The following FNDC3B variants were observed in gnomAD, a reference collection of about 807,000 sequenced individuals.
FNDC3B encodes fibronectin type III domain-containing protein 3B.
In FNDC3B, 12 loss-of-function variants were observed where a neutral mutation model predicts 151.5. The observed-to-expected ratio is 0.08, with a 90% CI of 0.05 to 0.13. The LOEUF is 0.13. Ranked by LOEUF, FNDC3B falls within the 10% of genes least tolerant of loss-of-function variation. The pLI is 1.00. For missense variants in FNDC3B, 1,214 were observed against 1,505.3 expected, an observed-to-expected ratio of 0.81 and a Z score of 3.20; for synonymous variants, 528 against 549.0, an observed-to-expected ratio of 0.96 and a Z score of 0.54.
At chr3:172,161,881 A>T (rs1380597475) in intron 3 of FNDC3B, among the ~76,000 whole-genome samples, 1 of 152,094 alleles carries the variant, frequency 6.6e-6, no homozygotes, top group African/African-American at 2.4e-5. Flanking sequence ...GCCACCAGTA[A>T]TGTACCTTCT....
At chr3:172,052,739 C>G (rs1716727758) in intron 1 of FNDC3B, among the ~76,000 whole-genome samples, 1 of 152,096 alleles carries the variant, frequency 6.6e-6, no homozygotes, top group African/African-American at 2.4e-5. Flanking sequence ...ATTATATGAT[C>G]AGACAAGTTT....
At chr3:172,311,177 A>G (rs1731458194) in intron 11 of FNDC3B, among the ~76,000 whole-genome samples, 1 of 152,252 alleles carries the variant, frequency 6.6e-6, no homozygotes, top group Non-Finnish European at 1.5e-5. Flanking sequence ...AATAATTTGT[A>G]TTAAAAATTG....
intron 3 of FNDC3B, among the ~76,000 whole-genome samples, chr3:172,214,545 TTTTATGGAATATTTG>T (rs1725884673): frequency 6.7e-6 from 1 of 148,246 alleles, no homozygotes; most frequent in African/African-American, 2.5e-5. Context: ...TATGACTCTG[TTTTATGGAATATTTG>T]GTTCATTTTT....
rs149288214 is a variant in FNDC3B, at chr3:172,070,950, A to G, written c.-29+31179A>G. The stretch of plus-strand genomic sequence containing the variant: ...AACAAAAAGTTTTCAGGAAAAATAC[A>G]GGCATTTTTGCTGCAAAAATTGGTC... On this transcript the variant is annotated intron_variant, in intron 1 of 25. Transcript: ENST00000415807. Among the ~76,000 whole-genome samples the G allele has an allele frequency of 7.2e-3, 1,095 of 152,326 alleles. 12 individuals carry two copies. The highest frequency in any genetic ancestry group is 9.4e-3 in the Non-Finnish European group (638 of 68,024).
intron 23 of FNDC3B, among the ~76,000 whole-genome samples, chr3:172,367,049 T>A (rs1437311399): frequency 6.6e-6 from 1 of 152,214 alleles, no homozygotes; most frequent in African/African-American, 2.4e-5. Flanking sequence ...CAAATCAACC[T>A]AGAATTCATC....
chr3:172,075,247 A>G (rs1717950676), intron 1 of FNDC3B, among the ~76,000 whole-genome samples: 1 of 152,298 alleles, frequency 6.6e-6, no homozygotes. Context: ...CAGGGAAGCC[A>G]TCTAATTCTC....
In FNDC3B at chr3:172,400,583, C is replaced by T. The variant is rs1043958795; in HGVS notation, c.*3108C>T. ...TTCATATACATTGTATTAAAACTGCCATATCAATTTTAATGTATAGATTTT... is the reference window on the plus strand; with the variant it reads ...TTCATATACATTGTATTAAAACTGCTATATCAATTTTAATGTATAGATTTT... On this transcript the variant is annotated 3_prime_UTR_variant, in exon 26 of 26. Transcript: ENST00000415807. 37 of 152,436 alleles carry T rather than the reference C, an allele frequency of 2.4e-4. No individual in the cohort carries two copies. Among genetic ancestry groups the T allele is most frequent in the Non-Finnish European group, 8.8e-5 (6 of 68,022 alleles). The allele number at this position is 152,436 out of a possible 1,614,324, so 9.4% of individuals were successfully genotyped here. A position where few individuals can be genotyped will look rare whatever the true frequency, so the allele number is the denominator to read the frequency against.
At chr3:172,181,086 A>G (rs1179276219) in intron 3 of FNDC3B, among the ~76,000 whole-genome samples, 1 of 98,580 alleles carries the variant, frequency 1.0e-5, no homozygotes, top group East Asian at 3.3e-4. Context: ...TGATATAGGC[A>G]TTCTAAGTAG....
chr3:172,319,088 G>T (rs1310875352), intron 11 of FNDC3B, among the ~76,000 whole-genome samples: 1 of 152,172 alleles, frequency 6.6e-6, no homozygotes, highest in East Asian at 1.9e-4. Context: ...TTGTGTGTTT[G>T]GGAAGCAAAC....
chr3:172,255,801 T>C (rs150063615), intron 6 of FNDC3B, among the ~76,000 whole-genome samples: 1 of 152,302 alleles, frequency 6.6e-6, no homozygotes, highest in East Asian at 1.9e-4. Flanking sequence ...ACACATCTCC[T>C]CGTCACCTCG....
At chr3:172,388,689 TA>T (rs1292502626) in intron 25 of FNDC3B, among the ~76,000 whole-genome samples, 1 of 152,186 alleles carries the variant, frequency 6.6e-6, no homozygotes, top group East Asian at 1.9e-4. Context: ...CTGTGGGTTG[TA>T]AGTGTCCGTG....
intron 16 of FNDC3B, among the ~76,000 whole-genome samples, chr3:172,340,872 A>G (rs1733275078): frequency 6.6e-6 from 1 of 152,210 alleles, no homozygotes; most frequent in Non-Finnish European, 1.5e-5. Context: ...TCCAAACCTC[A>G]TAGCAAATGT....
chr3:172,165,628 G>A (rs1052036350), intron 3 of FNDC3B, among the ~76,000 whole-genome samples: 1 of 152,150 alleles, frequency 6.6e-6, no homozygotes, highest in African/African-American at 2.4e-5. Flanking sequence ...GTACTATACA[G>A]AGTAGAAGTG....
At chr3:172,313,207 C>T (rs1159145964) in intron 11 of FNDC3B, among the ~76,000 whole-genome samples, 1 of 152,186 alleles carries the variant, frequency 6.6e-6, no homozygotes, top group Admixed American at 6.5e-5. Context: ...TCTGTGGCTT[C>T]ATGTCCACTT....
intron 6 of FNDC3B, among the ~76,000 whole-genome samples, chr3:172,253,173 G>A (rs886186460): frequency 2.0e-4 from 30 of 152,156 alleles, no homozygotes; most frequent in African/African-American, 7.2e-4. Context: ...CACCAAAACT[G>A]ATTTAAGGGA....
chr3:172,293,942 A>T (rs58221704), intron 7 of FNDC3B, among the ~76,000 whole-genome samples: 5,124 of 152,330 alleles, frequency 0.034, 284 homozygotes, highest in African/African-American at 0.12. Flanking sequence ...ACCTGTCTCC[A>T]TCTACAGCCT....
At chr3:172,082,852 G>A (rs1423976857) in intron 1 of FNDC3B, among the ~76,000 whole-genome samples, 1 of 152,214 alleles carries the variant, frequency 6.6e-6, no homozygotes, top group Non-Finnish European at 1.5e-5. Flanking sequence ...ACATCCAGAT[G>A]TAGCTCTCTA....
intron 2 of FNDC3B, among the ~76,000 whole-genome samples, chr3:172,119,863 C>G (rs866834277): frequency 1.3e-5 from 2 of 152,168 alleles, no homozygotes; most frequent in African/African-American, 4.8e-5. Flanking sequence ...AAGCACCCCC[C>G]ACAACCAGAT....
At chr3:172,378,245 T>C (rs747867132) in intron 23 of FNDC3B, 25 bp from the exon 24 acceptor site, 1 of 1,552,636 alleles carries the variant, frequency 6.4e-7, no homozygotes, top group Non-Finnish European at 8.7e-7. Flanking sequence ...TTCAGATGGC[T>C]AATTGATTCT....
Sources: gnomAD v4.1 joint callset for allele counts (sites outside exome capture counted in the v4.1 genomes callset) on GRCh38, gnomAD v4.1.1 for gene constraint, MANE v1.5 for transcripts, NCBI Gene and HGNC (gene_info 2026-07-23, HGNC 2026-07-21) for gene names.